ATXN1: variants seen among roughly 807,000 people sequenced by gnomAD.
ATXN1 encodes the protein ataxin-1.
In ATXN1, 8 loss-of-function variants were observed where a neutral mutation model predicts 56.4. That is an observed-to-expected ratio of 0.14 (90% confidence interval 0.08 to 0.26). The LOEUF is 0.26. ATXN1 is among the 10% of genes least tolerant of loss of function. The pLI is 1.00. For synonymous variants in ATXN1, 514 were observed against 494.6 expected, an observed-to-expected ratio of 1.04 and a Z score of -0.52; for missense variants, 987 against 1,106.5, an observed-to-expected ratio of 0.89 and a Z score of 1.53.
chr6:16,358,085 C>G (rs1297494888), intron 6 of ATXN1, among the ~76,000 whole-genome samples: 1 of 151,938 alleles, frequency 6.6e-6, no homozygotes, highest in Non-Finnish European at 1.5e-5. Flanking sequence ...CAAACACCTA[C>G]CATAATTTTG....
intron 6 of ATXN1, among the ~76,000 whole-genome samples, chr6:16,385,363 G>A (rs893941334): frequency 6.6e-6 from 1 of 152,186 alleles, no homozygotes; most frequent in African/African-American, 2.4e-5. Flanking sequence ...GCAAACAGTC[G>A]GGAGGAACTT....
intron 6 of ATXN1, among the ~76,000 whole-genome samples, chr6:16,439,391 T>TGGGGGGGGGGG (rs1470984574): frequency 1.5e-3 from 2 of 1,344 alleles, no homozygotes; most frequent in African/African-American, 7.2e-3. Flanking sequence ...GAATAAGGGT[T>TGGGGGGGGGGG]GGGGTGGGGT....
At position 16,542,292 on chromosome 6, in the gene ATXN1, C is replaced by T. The variant is rs536923424; in HGVS notation, c.-360-19604G>A. ...TTCACTCCAGATGAGATTTCATCAC[C>T]GCATCCTATTTATTCATTCCTTAAT... On this transcript the variant is annotated intron_variant, in intron 4 of 7. Coordinates refer to ENST00000436367, the MANE Select transcript of ATXN1 (RefSeq NM_001128164.2). 5.3e-5 allele frequency among the ~76,000 whole-genome samples: 8 copies of T among 152,296 alleles called. No homozygotes were observed. The East Asian group carries it at 5.8e-4, about 11-fold the overall frequency.
At chr6:16,730,322 G>A (rs1759940822) in intron 2 of ATXN1, among the ~76,000 whole-genome samples, 1 of 151,728 alleles carries the variant, frequency 6.6e-6, no homozygotes, top group Non-Finnish European at 1.5e-5. Context: ...ACAATAACTT[G>A]GAATTTCCTT....
At chr6:16,596,618 C>T (rs540103484) in intron 3 of ATXN1, among the ~76,000 whole-genome samples, 72 of 152,310 alleles carry the variant, frequency 4.7e-4, no homozygotes, top group South Asian at 1.7e-3. Flanking sequence ...AGGAGAAATA[C>T]TGTACTTCAT....
chr6:16,352,167 C>A (rs1026800867), intron 6 of ATXN1, among the ~76,000 whole-genome samples: 1 of 152,150 alleles, frequency 6.6e-6, no homozygotes, highest in Admixed American at 6.5e-5. Context: ...CTCTGGTTAA[C>A]CCAAGGGATG....
At position 16,502,953 on chromosome 6, in the gene ATXN1, GA is replaced by G. The variant is rs531606211; in HGVS notation, c.-298-16845del. Among the ~76,000 whole-genome samples the G allele has an allele frequency of 3.2e-3, 487 of 152,284 alleles. 7 individuals carry two copies. Among genetic ancestry groups the G allele is most frequent in the African/African-American group, 0.011 (448 of 41,546 alleles). ...CTGTGAGGTGAGGTTCAGAAATGGA[GA>G]AAGAAGGTTTATTGCTTTGAATGCA... On this transcript the variant is annotated intron_variant, in intron 5 of 7. Transcript: ENST00000436367.
Position 16,326,553 on chromosome 6 carries a change from C to T in ATXN1, c.1758G>A (p.Glu586=), listed in dbSNP as rs779801263. ...KGSIIQLANG[E]LKKVEDLKTE... ...TTTTTAAGTCTTCCACCTTCTTTAG[C>T]TCCCCGTTGGCCAACTGGATGATGG... Residue 586 remains glutamate (E), a synonymous_variant, in exon 7 of 8, where the codon GAG becomes GAA. Coordinates refer to ENST00000436367, the MANE Select transcript of ATXN1 (RefSeq NM_001128164.2). This position sits in a 1 kb window ranked among gnomAD's most constrained non-coding sequence, Gnocchi z 6.6. 5 of 1,614,194 alleles carry T rather than the reference C, an allele frequency of 3.1e-6. No individual in the cohort carries two copies. In the Admixed American group the frequency reaches 5.0e-5, roughly 16 times the overall value.
intron 2 of ATXN1, chr6:16,667,469 G>A (rs1246157888): frequency 6.6e-6 from 1 of 152,160 alleles, no homozygotes; most frequent in East Asian, 1.9e-4. Flanking sequence ...GGAAAAAGGA[G>A]TCTCACTCAC....
intron 6 of ATXN1, among the ~76,000 whole-genome samples, chr6:16,403,819 A>G (rs1249624167): frequency 1.3e-5 from 2 of 152,112 alleles, no homozygotes; most frequent in African/African-American, 2.4e-5. Flanking sequence ...GCTGCATGTG[A>G]TATTTCTGGC....
At chr6:16,487,118 A>G (rs1280455443) in intron 5 of ATXN1, among the ~76,000 whole-genome samples, 1 of 152,170 alleles carries the variant, frequency 6.6e-6, no homozygotes, top group African/African-American at 2.4e-5. Flanking sequence ...CGCCTTGTAT[A>G]CTTTTGAGAA....
chr6:16,480,708 C>T (rs915708606), intron 6 of ATXN1, among the ~76,000 whole-genome samples: 1 of 152,160 alleles, frequency 6.6e-6, no homozygotes, highest in African/African-American at 2.4e-5. Context: ...AGCAGCCTGA[C>T]CAGGCTGTTG....
intron 2 of ATXN1, among the ~76,000 whole-genome samples, chr6:16,673,744 T>G (rs1485019970): frequency 6.6e-6 from 1 of 152,090 alleles, no homozygotes; most frequent in Non-Finnish European, 1.5e-5. Context: ...CTCAAACTCC[T>G]GAGCTCAGGC....
At chr6:16,310,805 C>T (rs1003037140) in intron 7 of ATXN1, among the ~76,000 whole-genome samples, 1 of 152,202 alleles carries the variant, frequency 6.6e-6, no homozygotes, top group Admixed American at 6.5e-5. Flanking sequence ...ATTTTATACA[C>T]ATTCAGACAC....
chr6:16,635,047 C>G (rs2113814130), intron 3 of ATXN1, among the ~76,000 whole-genome samples: 1 of 152,324 alleles, frequency 6.6e-6, no homozygotes, highest in African/African-American at 2.4e-5. Flanking sequence ...AAAGCTTCAT[C>G]TGTATTTACA....
At chr6:16,490,721 G>A (rs1360786230) in intron 5 of ATXN1, among the ~76,000 whole-genome samples, 1 of 152,146 alleles carries the variant, frequency 6.6e-6, no homozygotes, top group Admixed American at 6.5e-5. Flanking sequence ...CCCCTTGGCT[G>A]TTATCTGGGC....
chr6:16,704,108 A>T, intron 2 of ATXN1, among the ~76,000 whole-genome samples: 1 of 152,312 alleles, frequency 6.6e-6, no homozygotes, highest in South Asian at 2.1e-4. Context: ...AAATCTGTAT[A>T]AGAGAGCAGG....
At position 16,464,746 on chromosome 6, in the gene ATXN1, TAAA is replaced by T. The variant is rs34230333; in HGVS notation, c.-161+21223_-161+21225del. 8.5e-3 allele frequency among the ~76,000 whole-genome samples: 1,187 copies of T among 140,006 alleles called. 13 individuals are homozygous for T. The highest frequency in any genetic ancestry group is 0.03 in the African/African-American group (1,110 of 37,504). 91.8% of individuals were successfully genotyped at this position (140,006 alleles called of 152,430 possible). On this transcript the variant is annotated intron_variant, in intron 6 of 7. Coordinates refer to ENST00000436367, the MANE Select transcript of ATXN1 (RefSeq NM_001128164.2). ...GGAAAAGGCAAAGCTACAGGGATAGTAAAAAAAAAAAAAAAAATCAGGGGTTTT... is the reference window on the plus strand; with the variant it reads ...GGAAAAGGCAAAGCTACAGGGATAGTAAAAAAAAAAAAAATCAGGGGTTTT...
chr6:16,330,936 C>T (rs920348023), intron 6 of ATXN1, among the ~76,000 whole-genome samples: 1 of 152,040 alleles, frequency 6.6e-6, no homozygotes, highest in African/African-American at 2.4e-5. Context: ...TTAAAAAAAC[C>T]CTAAAACACT....
Sources: gnomAD v4.1 joint callset for allele counts (sites outside exome capture counted in the v4.1 genomes callset) on GRCh38, gnomAD v4.1.1 for gene constraint, Gnocchi (gnomAD v3.1) non-coding constraint, MANE v1.5 for transcripts, NCBI Gene and HGNC (gene_info 2026-07-23, HGNC 2026-07-21) for gene names.